Variants in CELSR2 observed in about 807,000 individuals in gnomAD.
The protein encoded by CELSR2 is cadherin EGF LAG seven-pass G-type receptor 2, also known as EGF-like protein 2.
In CELSR2, 81 loss-of-function variants were observed where a neutral mutation model predicts 251.6. The observed-to-expected ratio is 0.32, with a 90% CI of 0.27 to 0.39. The LOEUF is 0.39. Among genes scored for constraint, CELSR2 ranks in the 10% least tolerant of loss-of-function variants. The pLI is 1.00. For missense variants in CELSR2, 3,365 were observed against 3,947.7 expected (o/e 0.85, Z 3.96); for synonymous variants, 1,721 against 1,670.5 (o/e 1.03, Z -0.74).
chr1:109,268,429 C>T (rs1473133109), intron 17 of CELSR2, 152 bp from the exon 18 acceptor site: 39 of 1,038,950 alleles, frequency 3.8e-5, no homozygotes, highest in Admixed American at 5.8e-5. Context: ...GTGGGCAGTG[C>T]GGTCCAGGAG....
At position 109,264,477 on chromosome 1, in the gene CELSR2, G is replaced by A. The variant is rs6689614; in HGVS notation, c.5313G>A (p.Pro1771=). 712,437 of 1,613,040 alleles carry A rather than the reference G, an allele frequency of 0.44. 162,276 individuals carry two copies. Among genetic ancestry groups the A allele is most frequent in the Middle Eastern group, 0.5 (3,027 of 6,060 alleles). The change falls in exon 11 of 34, where the codon CCG becomes CCA. Residue 1771 remains proline, a synonymous_variant. Coordinates refer to ENST00000271332, the MANE Select transcript of CELSR2 (RefSeq NM_001408.3). Reference sequence around the variant, plus strand: ...AGGGTGTGCGGGTGAGCGATACGCCGGAGGGGGTTAACAGCCTGGATCCCA... The same window carrying A: ...AGGGTGTGCGGGTGAGCGATACGCCAGAGGGGGTTAACAGCCTGGATCCCA... ...CLQGVRVSDT[P]EGVNSLDPSH... is the part of the protein sequence containing the mutation.
In CELSR2 at chr1:109,265,934, T is replaced by A. The variant is rs1656173678; in HGVS notation, c.5911+16T>A. On this transcript the variant is annotated intron_variant, in intron 14 of 33. Transcript: ENST00000271332. ...GGCTGTGAAGGTGGGGCTCCTGGGA[T>A]GGGTGGGCAGCCCTCCTTACAGTGT... 2 of 1,606,912 alleles carry A rather than the reference T, an allele frequency of 1.2e-6. No homozygotes were observed. Among genetic ancestry groups the A allele is most frequent in the Non-Finnish European group, 1.7e-6 (2 of 1,175,552 alleles).
rs747213922 is a variant in CELSR2, at chr1:109,251,282, G to A, written c.1203G>A (p.Glu401=). ...DDNDNAPQFS[E]KRYVVQVRED... ...ATGATAATGCCCCCCAGTTTAGTGA[G>A]AAGCGCTATGTGGTCCAGGTGAGGG... is the stretch of plus-strand genomic sequence containing the variant. The change falls in exon 1 of 34, where the codon GAG becomes GAA. Residue 401 remains glutamate (E), a synonymous_variant. Coordinates refer to ENST00000271332, the MANE Select transcript of CELSR2 (RefSeq NM_001408.3). This position sits in a 1 kb window ranked among gnomAD's most constrained non-coding sequence, Gnocchi z 4.9. The A allele has an allele frequency of 6.2e-7, 1 of 1,614,202 alleles. No homozygotes were observed. Among genetic ancestry groups the A allele is most frequent in the Non-Finnish European group, 8.5e-7 (1 of 1,180,032 alleles).
In CELSR2 at chr1:109,261,485, C is replaced by T. The variant is rs777464308; in HGVS notation, c.4182-28C>T. ...TGGCATCCAGGTGGGTACCCCATTC[C>T]CTGCCCCCATCCCCAACTCCTGTTC... On this transcript the variant is annotated intron_variant, in intron 3 of 33. Transcript: ENST00000271332. This position sits in a 1 kb window ranked among gnomAD's most constrained non-coding sequence, Gnocchi z 4.8. 16 of 1,599,300 alleles carry T rather than the reference C, an allele frequency of 1.0e-5. 1 individual carries two copies. The highest frequency in any genetic ancestry group is 1.7e-4 in the Middle Eastern group (1 of 6,040).
Position 109,261,171 on chromosome 1 carries a change from C to T in CELSR2, c.4088C>T (p.Pro1363Leu). The change falls in exon 3 of 34, where the codon CCC becomes CTC. Residue 1363 changes from proline (P) to leucine (L), a missense_variant. Physicochemically the swap from Pro to Leu is moderately conservative, Grantham distance 98 (BLOSUM62 -3). Transcript: ENST00000271332. The surrounding 1 kb of genome is among the most constrained non-coding windows in gnomAD (Gnocchi z 4.8). ...TGCCCATCTGGAGACTTCGAGAAGCCCTACTGCCAGGTGACCACGCGCAGC... is the reference window on the plus strand; with the variant it reads ...TGCCCATCTGGAGACTTCGAGAAGCTCTACTGCCAGGTGACCACGCGCAGC... ...CDCPSGDFEK[P>L]YCQVTTRSFP... 6.2e-7 allele frequency: 1 copy of T among 1,614,140 alleles called. No homozygotes were observed. Among genetic ancestry groups the T allele is most frequent in the Admixed American group, 1.7e-5 (1 of 60,016 alleles).
At position 109,273,039 on chromosome 1, in the gene CELSR2, C is replaced by A. The variant is rs200127627; in HGVS notation, c.8338+12C>A. On this transcript the variant is annotated intron_variant, in intron 31 of 33. Coordinates refer to ENST00000271332, the MANE Select transcript of CELSR2 (RefSeq NM_001408.3). Reference sequence around the variant, plus strand: ...CAGTACTCCCAAGGGTGGGCCAGCACTGGGGCTGTGGCCTTTGGGGCCAGT... The same window carrying A: ...CAGTACTCCCAAGGGTGGGCCAGCAATGGGGCTGTGGCCTTTGGGGCCAGT... 1.0e-4 allele frequency: 168 copies of A among 1,605,082 alleles called. No individual in the cohort carries two copies. The African/African-American group carries it at 1.8e-3, about 18-fold the overall frequency.
At chr1:109,258,153 T>TG (rs1324708832) in intron 1 of CELSR2, among the ~76,000 whole-genome samples, 1 of 152,040 alleles carries the variant, frequency 6.6e-6, no homozygotes, top group African/African-American at 2.4e-5. Flanking sequence ...GCACAGACTC[T>TG]GGGGGAAGGG....
rs765525375 is a variant in CELSR2 at position 109,258,853 on chromosome 1, G to A, written c.3732G>A (p.Val1244=). Residue 1244 remains valine (V), a synonymous_variant, in exon 2 of 34, where the codon GTG becomes GTA. Transcript: ENST00000271332. ...CCTGCGAGAACTACATGCGCTGCGTGTCGGTGCTGCGCTTCGACTCCTCCG... is the reference window on the plus strand; with the variant it reads ...CCTGCGAGAACTACATGCGCTGCGTATCGGTGCTGCGCTTCGACTCCTCCG... The part of the protein sequence containing the change: ...REPCENYMRC[V]SVLRFDSSAP... 6.2e-7 allele frequency: 1 copy of A among 1,612,502 alleles called. No homozygotes were observed. The highest frequency in any genetic ancestry group is 1.3e-5 in the African/African-American group (1 of 75,042).
chr1:109,267,673 C>T, intron 16 of CELSR2, 31 bp downstream of exon 16: 1 of 1,611,694 alleles, frequency 6.2e-7, no homozygotes, highest in Non-Finnish European at 8.5e-7. Context: ...CCATCTTTTC[C>T]CTGTCCTTCG....
At position 109,266,864 on chromosome 1, in the gene CELSR2, C is replaced by T. The variant is rs115239294; in HGVS notation, c.6013+658C>T. On this transcript the variant is annotated intron_variant, in intron 15 of 33. Coordinates refer to ENST00000271332, the MANE Select transcript of CELSR2 (RefSeq NM_001408.3). ...CCTTCCGAGTAGCTGGTACTACAGG[C>T]GTGTGCTACCATGCCCAGCTAATTT... Among the ~76,000 whole-genome samples the T allele has an allele frequency of 4.9e-3, 740 of 150,972 alleles. 5 individuals are homozygous for T. The highest frequency in any genetic ancestry group is 0.017 in the African/African-American group (715 of 41,020).
In CELSR2 at chr1:109,273,261, C is replaced by T. The variant is rs149683589; in HGVS notation, c.8434C>T (p.Arg2812Trp). 1.9e-3 allele frequency: 3,118 copies of T among 1,611,108 alleles called. 4 individuals carry two copies. The highest frequency in any genetic ancestry group is 2.4e-3 in the Non-Finnish European group (2,884 of 1,178,702). The stretch of plus-strand genomic sequence containing the variant: ...CAACGGGGCCCCTGAGGAGCGGCTG[C>T]GGGAGAATGGAGATGCCCTGTCTCG... ...SGNGAPEERL[R>W]ENGDALSREG... The change falls in exon 32 of 34, where the codon CGG becomes TGG. Residue 2812 changes from arginine (R) to tryptophan (W), a missense_variant. By Grantham distance (101) the Arg-to-Trp change is moderately radical. This residue lies in a region of CELSR2 where 2,093 missense variants were observed against 2,382.8 expected (regional missense o/e 0.88). Coordinates refer to ENST00000271332, the MANE Select transcript of CELSR2 (RefSeq NM_001408.3).
At chr1:109,270,719 A>G (rs764836152) in intron 24 of CELSR2, 119 bp downstream of exon 24, 89 of 1,307,266 alleles carry the variant, frequency 6.8e-5, no homozygotes, top group Non-Finnish European at 8.5e-5. Flanking sequence ...AGGCCGCCTT[A>G]TTCACAGGTG....
At position 109,265,087 on chromosome 1, in the gene CELSR2, G is replaced by A. The variant is rs72975226; in HGVS notation, c.5606+78G>A. 2.8e-3 allele frequency: 4,542 copies of A among 1,599,102 alleles called. 126 individuals carry two copies. In the African/African-American group the frequency reaches 0.053, roughly 19 times the overall value. ...TGGTGTGTCCCTCAGAGCCCCGAAA[G>A]CCTGGCTGATCCACAGCCAGGGTCA... On this transcript the variant is annotated intron_variant, in intron 12 of 33. Transcript: ENST00000271332.
At position 109,258,455 on chromosome 1, in the gene CELSR2, C is replaced by A; in HGVS notation, c.3334C>A (p.Gln1112Lys). Residue 1112 changes from glutamine to lysine, a missense_variant, in exon 2 of 34, where the codon CAG becomes AAG. Gln to Lys is a moderately conservative substitution (Grantham distance 53). Coordinates refer to ENST00000271332, the MANE Select transcript of CELSR2 (RefSeq NM_001408.3). ...VSDGVHSVTA[Q>K]CALRVTIITD... is the part of the protein sequence containing the mutation. ...AGACGGCGTACACAGCGTGACCGCCCAGTGCGCGCTGCGTGTGACCATCAT... is the reference window on the plus strand; with the variant it reads ...AGACGGCGTACACAGCGTGACCGCCAAGTGCGCGCTGCGTGTGACCATCAT... The A allele has an allele frequency of 1.3e-6, 2 of 1,597,762 alleles. No individual in the cohort carries two copies. The highest frequency in any genetic ancestry group is 1.1e-5 in the South Asian group (1 of 88,568).
chr1:109,250,126 C>A lies in CELSR2; in HGVS notation c.47C>A (p.Pro16Gln), dbSNP rs557792156. ...GTCCCCCTCCCAACGCCGCCGCCGC[C>A]GCTGCTGCTGCTGTTGCTGCTGCTG... is the stretch of plus-strand genomic sequence containing the variant. ...TGVPLPTPPP[P>Q]LLLLLLLLLP... is the part of the protein sequence containing the mutation. Residue 16 changes from proline (P) to glutamine (Q), a missense_variant, in exon 1 of 34, where the codon CCG becomes CAG. Transcript: ENST00000271332. This position sits in a 1 kb window ranked among gnomAD's most constrained non-coding sequence, Gnocchi z 4.4. The A allele has an allele frequency of 1.3e-6, 2 of 1,573,110 alleles. No homozygotes were observed. The highest frequency in any genetic ancestry group is 1.7e-6 in the Non-Finnish European group (2 of 1,163,356).
rs1366289469 is a variant in CELSR2, at chr1:109,249,785, GC to G, written c.-290del. 6.7e-6 allele frequency among the ~76,000 whole-genome samples: 1 copy of G among 149,782 alleles called. No homozygotes were observed. Among genetic ancestry groups the G allele is most frequent in the African/African-American group, 2.4e-5 (1 of 41,142 alleles). Reference sequence around the variant, plus strand: ...CCGGCAAGGCCAGGGGCGCCGCGGGGCCCCCGGGCGCAGGTGGTGAGTGCCC... The same window carrying G: ...CCGGCAAGGCCAGGGGCGCCGCGGGGCCCCGGGCGCAGGTGGTGAGTGCCC... On this transcript the variant is annotated 5_prime_UTR_variant, in exon 1 of 34. Coordinates refer to ENST00000271332, the MANE Select transcript of CELSR2 (RefSeq NM_001408.3).
At position 109,258,953 on chromosome 1, in the gene CELSR2, C is replaced by A; in HGVS notation, c.3832C>A (p.Pro1278Thr). The change falls in exon 2 of 34, where the codon CCC becomes ACC. Residue 1278 changes from proline to threonine, a missense_variant. Physicochemically the swap from Pro to Thr is conservative, Grantham distance 38. Around this residue, in one of 5 missense-constraint regions of CELSR2, gnomAD observed 2,093 missense variants for 2,382.8 expected, o/e 0.88. Coordinates refer to ENST00000271332, the MANE Select transcript of CELSR2 (RefSeq NM_001408.3). ...CGGAGGGCTGCGCTGCCGCTGCCCG[C>A]CCGGCTTCACGGGTGACTACTGCGA... ...PVGGLRCRCP[P>T]GFTGDYCETE... 1 of 1,611,428 alleles carries A rather than the reference C, an allele frequency of 6.2e-7. No individual in the cohort carries two copies. The highest frequency in any genetic ancestry group is 1.1e-5 in the South Asian group (1 of 91,018).
In CELSR2 at chr1:109,263,237, C is replaced by T. The variant is rs1161973457; in HGVS notation, c.4804C>T (p.Leu1602=). 1.9e-6 allele frequency: 3 copies of T among 1,587,350 alleles called. No homozygotes were observed. In the Admixed American group the frequency reaches 5.1e-5, roughly 27 times the overall value. The change falls in exon 8 of 34, where the codon CTG becomes TTG. Residue 1602 remains leucine, a synonymous_variant. Transcript: ENST00000271332. ...GGACGCGTTCAGCTGCGAGTGCCCC[C>T]TGGGCTTTGGGGGCAAGAGCTGCGC... The part of the protein sequence containing the change: ...QWDAFSCECP[L]GFGGKSCAQE...
Position 109,251,069 on chromosome 1 carries a change from G to T in CELSR2, c.990G>T (p.Glu330Asp). Residue 330 changes from glutamate to aspartate, a missense_variant, in exon 1 of 34, where the codon GAG (glutamate) becomes GAT (aspartate). Physicochemically the swap from Glu to Asp is conservative, Grantham distance 45 (BLOSUM62 2). Transcript: ENST00000271332. The surrounding 1 kb of genome is among the most constrained non-coding windows in gnomAD (Gnocchi z 4.9). ...CCAATATTCTGTACCGCCTGCTGGA[G>T]GGGTCTGGGGGCAGCCCCTCTGAAG... ...PNANILYRLL[E>D]GSGGSPSEVF... 1 of 1,613,500 alleles carries T rather than the reference G, an allele frequency of 6.2e-7. No individual in the cohort carries two copies.
Sources: gnomAD v4.1 joint callset for allele counts (sites outside exome capture counted in the v4.1 genomes callset) on GRCh38, gnomAD v4.1.1 for gene constraint, gnomAD v4.1.1 regional missense constraint, Gnocchi (gnomAD v3.1) non-coding constraint, MANE v1.5 for transcripts, NCBI Gene and HGNC (gene_info 2026-07-23, HGNC 2026-07-21) for gene names.